Variants in PPM1L observed in about 807,000 individuals in gnomAD.
The protein encoded by PPM1L is protein phosphatase, Mg2+/Mn2+ dependent 1L, also known as protein phosphatase 1L.
PPM1L carries 13 observed loss-of-function variants against 31.4 expected under a neutral mutation model. That is an observed-to-expected ratio of 0.41 (90% CI 0.27 to 0.66). The LOEUF (loss-of-function observed/expected upper bound fraction) is 0.66. Ranked by LOEUF, PPM1L falls within the 30% of genes least tolerant of loss-of-function variation. The probability of loss-of-function intolerance (pLI) is 0.29; values close to 1 mark genes in which losing one functional copy is unlikely to be tolerated. For missense variants in PPM1L, 326 were observed against 453.7 expected (o/e 0.72, Z 2.56); for synonymous variants, 184 against 175.4 (o/e 1.05, Z -0.39).
rs573084141 is a variant in PPM1L at position 161,047,846 on chromosome 3, C to T, written c.575-17557C>T. Among the ~76,000 whole-genome samples, 4 of 152,324 alleles carry T rather than the reference C, an allele frequency of 2.6e-5. No homozygotes were observed. The South Asian group carries it at 8.3e-4, about 32-fold the overall frequency. ...AAACAAGAAATGGGGAAAGGATTCCCTATTTAATGAATGGTGTTGGGAAAA... is the reference window on the plus strand; with the variant it reads ...AAACAAGAAATGGGGAAAGGATTCCTTATTTAATGAATGGTGTTGGGAAAA... On this transcript the variant is annotated intron_variant, in intron 2 of 3. Coordinates refer to ENST00000498165, the MANE Select transcript of PPM1L (RefSeq NM_139245.4).
At chr3:161,066,972 G>C (rs1159437133) in intron 3 of PPM1L, among the ~76,000 whole-genome samples, 1 of 152,190 alleles carries the variant, frequency 6.6e-6, no homozygotes, top group Non-Finnish European at 1.5e-5. Flanking sequence ...TTGATGGGAT[G>C]AAACGAATGA....
chr3:160,916,849 T>C (rs950604974), intron 1 of PPM1L, among the ~76,000 whole-genome samples: 1 of 152,136 alleles, frequency 6.6e-6, no homozygotes, highest in Admixed American at 6.6e-5. Flanking sequence ...GCCCTCCAAA[T>C]AGGAAAGAAA....
chr3:160,798,310 G>T (rs923574312), intron 1 of PPM1L, among the ~76,000 whole-genome samples: 1 of 152,204 alleles, frequency 6.6e-6, no homozygotes, highest in South Asian at 2.1e-4. Context: ...CAGCCTTCCT[G>T]GAGGAAGATG....
chr3:160,866,037 T>C (rs368980127), intron 1 of PPM1L, among the ~76,000 whole-genome samples: 6 of 152,222 alleles, frequency 3.9e-5, no homozygotes, highest in East Asian at 1.9e-4. Flanking sequence ...AATAACCAAG[T>C]TGACAACTGA....
At chr3:160,929,617 T>C (rs1486101377) in intron 1 of PPM1L, among the ~76,000 whole-genome samples, 1 of 152,252 alleles carries the variant, frequency 6.6e-6, no homozygotes, top group African/African-American at 2.4e-5. Context: ...CTGCCATGCC[T>C]ACCCTCTTCA....
At chr3:161,000,572 G>GA (rs1443385740) in intron 2 of PPM1L, among the ~76,000 whole-genome samples, 2 of 152,134 alleles carry the variant, frequency 1.3e-5, no homozygotes, top group Admixed American at 6.5e-5. Context: ...GATGAATCTG[G>GA]AAAAAAAGTT....
chr3:160,807,303 C>A (rs1213470882), intron 1 of PPM1L, among the ~76,000 whole-genome samples: 1 of 152,172 alleles, frequency 6.6e-6, no homozygotes, highest in Non-Finnish European at 1.5e-5. Context: ...ATTCTGCAAG[C>A]TATATTGCTG....
chr3:160,843,931 C>T (rs1005117515), intron 1 of PPM1L, among the ~76,000 whole-genome samples: 84 of 152,266 alleles, frequency 5.5e-4, no homozygotes, highest in Admixed American at 3.1e-3. Flanking sequence ...TACATATACA[C>T]CATGGAATAC....
intron 1 of PPM1L, among the ~76,000 whole-genome samples, chr3:160,883,541 C>T (rs1177065873): frequency 2.0e-5 from 3 of 151,876 alleles, no homozygotes; most frequent in Non-Finnish European, 2.9e-5. Context: ...GTCTACAAAC[C>T]GAAGACAGAG....
intron 1 of PPM1L, among the ~76,000 whole-genome samples, chr3:160,823,487 A>G (rs1357990681): frequency 1.3e-5 from 2 of 151,712 alleles, no homozygotes; most frequent in Non-Finnish European, 1.5e-5. Context: ...TGCTGGCATT[A>G]CAGGCATGAA....
intron 1 of PPM1L, among the ~76,000 whole-genome samples, chr3:160,944,075 A>G (rs559005325): frequency 6.6e-6 from 1 of 152,170 alleles, no homozygotes; most frequent in East Asian, 1.9e-4. Context: ...CTATTTGGGT[A>G]TAGGACATAA....
At chr3:160,873,633 T>C (rs1329426829) in intron 1 of PPM1L, among the ~76,000 whole-genome samples, 1 of 152,014 alleles carries the variant, frequency 6.6e-6, no homozygotes, top group East Asian at 1.9e-4. Flanking sequence ...CTCCAACCTC[T>C]GTCCCCCGGG....
At chr3:160,908,439 C>T (rs551608814) in intron 1 of PPM1L, among the ~76,000 whole-genome samples, 2 of 152,192 alleles carry the variant, frequency 1.3e-5, no homozygotes, top group South Asian at 4.2e-4. Context: ...TTTCCTGGAG[C>T]CTTGTTTTAT....
In PPM1L at chr3:160,866,415, T is replaced by C. The variant is rs1026486402; in HGVS notation, c.400-95321T>C. ...AAAACTTTACAATTTCATTCTGCTT[T>C]GTTGCAAAGATCCATGTCCCTTGTA... is the stretch of plus-strand genomic sequence containing the variant. On this transcript the variant is annotated intron_variant, in intron 1 of 3. Transcript: ENST00000498165. Among the ~76,000 whole-genome samples the C allele has an allele frequency of 2.2e-4, 33 of 152,242 alleles. 1 individual carries two copies. Among genetic ancestry groups the C allele is most frequent in the South Asian group, 1.2e-3 (6 of 4,834 alleles).
At chr3:160,832,613 G>A (rs546193606) in intron 1 of PPM1L, among the ~76,000 whole-genome samples, 7 of 152,064 alleles carry the variant, frequency 4.6e-5, no homozygotes, top group Non-Finnish European at 1.0e-4. Flanking sequence ...GGCAGATAGA[G>A]TCTCTTGAAC....
Position 161,074,586 on chromosome 3 carries a change from T to C in PPM1L, c.*5429T>C, listed in dbSNP as rs1021950913. The C allele has an allele frequency of 2.6e-5, 4 of 152,212 alleles. No individual in the cohort carries two copies. Among genetic ancestry groups the C allele is most frequent in the African/African-American group, 7.2e-5 (3 of 41,458 alleles). The allele number at this position is 152,212 out of a possible 1,614,324, so 9.4% of individuals were successfully genotyped here. On this transcript the variant is annotated 3_prime_UTR_variant, in exon 4 of 4. Coordinates refer to ENST00000498165, the MANE Select transcript of PPM1L (RefSeq NM_139245.4). ...GCAGTTGATACCATGAAGCTTCCAA[T>C]AGATGCATTTCTAAACATTTTTTCT...
At chr3:160,976,074 T>G (rs1184843937) in intron 2 of PPM1L, among the ~76,000 whole-genome samples, 4 of 108,422 alleles carry the variant, frequency 3.7e-5, no homozygotes, top group South Asian at 7.4e-4. Flanking sequence ...TTGAGAGTTT[T>G]TAGCATGAAG....
intron 1 of PPM1L, among the ~76,000 whole-genome samples, chr3:160,959,298 G>A (rs1361968264): frequency 6.6e-6 from 1 of 152,098 alleles, no homozygotes; most frequent in African/African-American, 2.4e-5. Context: ...GACATAAGGG[G>A]GAGGGTGGGA....
chr3:160,855,344 G>A (rs1482077265), intron 1 of PPM1L, among the ~76,000 whole-genome samples: 1 of 152,082 alleles, frequency 6.6e-6, no homozygotes, highest in Non-Finnish European at 1.5e-5. Context: ...GACACCAAAA[G>A]TAATTGCAAC....
Sources: gnomAD v4.1 joint callset for allele counts (sites outside exome capture counted in the v4.1 genomes callset) on GRCh38, gnomAD v4.1.1 for gene constraint, MANE v1.5 for transcripts, NCBI Gene and HGNC (gene_info 2026-07-23, HGNC 2026-07-21) for gene names.